ROR1: variants seen among roughly 807,000 people sequenced by gnomAD.
ROR1 encodes the protein ROR family WNT receptor 1.
Under a neutral mutation model 78.8 loss-of-function variants are expected in ROR1, and 19 were observed. The observed-to-expected ratio is 0.24, with a 90% confidence interval of 0.17 to 0.35. ROR1 has a LOEUF of 0.35. Among genes scored for constraint, ROR1 ranks in the 10% least tolerant of loss-of-function variants. ROR1 has a pLI of 1.00. For synonymous variants in ROR1, 386 were observed against 433.6 expected (o/e 0.89, Z 1.36); for missense variants, 917 against 1,177.8 (o/e 0.78, Z 3.24).
intron 7 of ROR1, among the ~76,000 whole-genome samples, chr1:64,156,472 G>T (rs1649773848): frequency 6.6e-6 from 1 of 152,076 alleles, no homozygotes; most frequent in East Asian, 1.9e-4. Context: ...ACTTTGGGAG[G>T]CCGAGGCAGG....
chr1:63,801,416 T>A (rs1227911565), intron 1 of ROR1, among the ~76,000 whole-genome samples: 1 of 152,124 alleles, frequency 6.6e-6, no homozygotes, highest in African/African-American at 2.4e-5. Flanking sequence ...TGCCTCAGCC[T>A]CCTGAGTAGC....
At chr1:63,872,950 G>A (rs1240150344) in intron 1 of ROR1, among the ~76,000 whole-genome samples, 14 of 152,148 alleles carry the variant, frequency 9.2e-5, no homozygotes, top group Admixed American at 9.2e-4. Context: ...GAAGGACAGT[G>A]AGAGGGTGGG....
At chr1:64,071,505 C>G (rs527596375) in intron 4 of ROR1, among the ~76,000 whole-genome samples, 2 of 152,102 alleles carry the variant, frequency 1.3e-5, no homozygotes, top group East Asian at 3.9e-4. Flanking sequence ...TCCAAAATGC[C>G]TAACTGCTTA....
chr1:63,840,483 T>G (rs373140075), intron 1 of ROR1, among the ~76,000 whole-genome samples: 1 of 151,922 alleles, frequency 6.6e-6, no homozygotes, highest in Non-Finnish European at 1.5e-5. Context: ...GGTTTCACCG[T>G]GTTGGCCAGG....
chr1:63,940,016 A>G (rs1569944570), intron 1 of ROR1, among the ~76,000 whole-genome samples: 1 of 152,310 alleles, frequency 6.6e-6, no homozygotes, highest in South Asian at 2.1e-4. Flanking sequence ...TATCCTGTAT[A>G]CAGGAGTGTC....
At chr1:63,937,437 A>C (rs1485463651) in intron 1 of ROR1, among the ~76,000 whole-genome samples, 1 of 152,200 alleles carries the variant, frequency 6.6e-6, no homozygotes, top group Non-Finnish European at 1.5e-5. Flanking sequence ...AGTTCATTGC[A>C]TAATCTCTAT....
chr1:63,928,447 G>A (rs1488619648), intron 1 of ROR1, among the ~76,000 whole-genome samples: 4 of 152,218 alleles, frequency 2.6e-5, no homozygotes, highest in African/African-American at 9.6e-5. Flanking sequence ...TACAGCAGGC[G>A]TGGCAGAAGT....
chr1:64,172,766 A>G (rs1207517299), intron 8 of ROR1, among the ~76,000 whole-genome samples: 1 of 152,214 alleles, frequency 6.6e-6, no homozygotes, highest in Non-Finnish European at 1.5e-5. Context: ...CCAAAACTTT[A>G]TGACTTCATT....
intron 1 of ROR1, among the ~76,000 whole-genome samples, chr1:63,914,638 T>G (rs1373431846): frequency 6.6e-6 from 1 of 152,172 alleles, no homozygotes; most frequent in African/African-American, 2.4e-5. Flanking sequence ...GATTGTTCTA[T>G]TAACCTGGCC....
At chr1:64,087,702 T>C (rs1392296248) in intron 4 of ROR1, among the ~76,000 whole-genome samples, 2 of 152,034 alleles carry the variant, frequency 1.3e-5, no homozygotes, top group African/African-American at 4.8e-5. Context: ...GAAACAAAAA[T>C]GTAGGGAGGG....
At chr1:63,978,844 G>A (rs1646184641) in intron 1 of ROR1, among the ~76,000 whole-genome samples, 1 of 152,168 alleles carries the variant, frequency 6.6e-6, no homozygotes, top group Non-Finnish European at 1.5e-5. Flanking sequence ...ATGCACTTAT[G>A]GAGCCTGGAA....
At chr1:63,848,345 T>C (rs770614563) in intron 1 of ROR1, among the ~76,000 whole-genome samples, 6 of 152,190 alleles carry the variant, frequency 3.9e-5, no homozygotes, top group Non-Finnish European at 7.3e-5. Flanking sequence ...ACCAAGTGAC[T>C]GCAATAAGAT....
chr1:64,148,839 C>T (rs1009344861), intron 7 of ROR1, among the ~76,000 whole-genome samples: 9 of 152,156 alleles, frequency 5.9e-5, no homozygotes, highest in Admixed American at 1.3e-4. Context: ...GCTTCTCATC[C>T]TCCATGTCTT....
chr1:63,886,892 G>C (rs779605908), intron 1 of ROR1, among the ~76,000 whole-genome samples: 2 of 152,168 alleles, frequency 1.3e-5, no homozygotes, highest in Non-Finnish European at 2.9e-5. Context: ...GGGAGTTGAA[G>C]TTTGAGCAAC....
chr1:64,150,919 C>G (rs768545557), intron 7 of ROR1, among the ~76,000 whole-genome samples: 4 of 152,204 alleles, frequency 2.6e-5, no homozygotes, highest in Non-Finnish European at 4.4e-5. Context: ...CAATAAGCTT[C>G]TGAAACCTCT....
intron 1 of ROR1, among the ~76,000 whole-genome samples, chr1:63,775,606 G>C (rs1454377746): frequency 3.9e-5 from 6 of 152,120 alleles, no homozygotes; most frequent in Admixed American, 3.3e-4. Context: ...TTTAGGAAAA[G>C]AAAAAGTTCT....
At chr1:63,878,319 A>C (rs968691899) in intron 1 of ROR1, among the ~76,000 whole-genome samples, 1 of 152,158 alleles carries the variant, frequency 6.6e-6, no homozygotes, top group African/African-American at 2.4e-5. Flanking sequence ...CTTTACTTCC[A>C]TTTTGCTTTG....
At chr1:63,890,398 G>A (rs1446835375) in intron 1 of ROR1, among the ~76,000 whole-genome samples, 2 of 150,264 alleles carry the variant, frequency 1.3e-5, no homozygotes, top group African/African-American at 4.9e-5. Flanking sequence ...TTTCATACCT[G>A]TCCTGTGCTA....
chr1:63,881,084 G>T (rs752650233), intron 1 of ROR1, among the ~76,000 whole-genome samples: 1 of 152,120 alleles, frequency 6.6e-6, no homozygotes, highest in Non-Finnish European at 1.5e-5. Flanking sequence ...GTAAAGAATG[G>T]CTAATTACTA....
Sources: gnomAD v4.1 joint callset for allele counts (sites outside exome capture counted in the v4.1 genomes callset) on GRCh38, gnomAD v4.1.1 for gene constraint, MANE v1.5 for transcripts, NCBI Gene and HGNC (gene_info 2026-07-23, HGNC 2026-07-21) for gene names.